TOX3: variants seen among roughly 807,000 people sequenced by gnomAD.
The protein encoded by TOX3 is CAG trinucleotide repeat-containing gene F9 protein.
TOX3 carries 22 observed loss-of-function variants against 64.3 expected under a neutral mutation model. The observed-to-expected ratio is 0.34, with a 90% CI of 0.24 to 0.49. The LOEUF is 0.49. Among genes scored for constraint, TOX3 ranks in the 20% least tolerant of loss-of-function variants. TOX3 has a pLI of 0.99. For synonymous variants in TOX3, 291 were observed against 273.6 expected, an observed-to-expected ratio of 1.06 and a Z score of -0.63; for missense variants, 661 against 714.4, an observed-to-expected ratio of 0.93 and a Z score of 0.85.
chr16:52,492,140 T>A (rs3095595), intron 1 of TOX3, among the ~76,000 whole-genome samples: 150,976 of 150,976 alleles, frequency 1, 75,488 homozygotes, highest in Non-Finnish European at 1. Flanking sequence ...TCTAACATCA[T>A]AATTACTTTG....
At chr16:52,455,675 A>G (rs1960493684) in intron 3 of TOX3, among the ~76,000 whole-genome samples, 1 of 152,152 alleles carries the variant, frequency 6.6e-6, no homozygotes, top group Admixed American at 6.5e-5. Flanking sequence ...AAAAGATAGT[A>G]TTTGAGCTGA....
chr16:52,519,903 G>A lies in TOX3; in HGVS notation c.87+26734C>T, dbSNP rs1962559467. On this transcript the variant is annotated intron_variant, in intron 1 of 6. Transcript: ENST00000219746. ...CTTGAGCCTGGGAGGTCAAGGCTGCGGTGAGCACAGTGAGCACTGGTCACA... is the reference window on the plus strand; with the variant it reads ...CTTGAGCCTGGGAGGTCAAGGCTGCAGTGAGCACAGTGAGCACTGGTCACA... 2.6e-5 allele frequency among the ~76,000 whole-genome samples: 4 copies of A among 151,770 alleles called. No homozygotes were observed. In the South Asian group the frequency reaches 8.4e-4, roughly 32 times the overall value.
In TOX3 at chr16:52,546,913, C is replaced by T. The variant is rs934268334; in HGVS notation, c.-190G>A. ...CGGCCGCCGCACACAAAGGCGCGGCCACGCGAGCCGCGGGAGAGCGGGAGG... is the reference window on the plus strand; with the variant it reads ...CGGCCGCCGCACACAAAGGCGCGGCTACGCGAGCCGCGGGAGAGCGGGAGG... On this transcript the variant is annotated 5_prime_UTR_variant, in exon 1 of 7. Transcript: ENST00000219746. The T allele has an allele frequency of 1.7e-5, 18 of 1,087,542 alleles. No individual in the cohort carries two copies. The highest frequency in any genetic ancestry group is 1.8e-5 in the Non-Finnish European group (16 of 896,608). The allele number at this position is 1,087,542 out of a possible 1,614,324, so 67.4% of individuals were successfully genotyped here. A position where few individuals can be genotyped will look rare whatever the true frequency, so the allele number is the denominator to read the frequency against.
intron 1 of TOX3, among the ~76,000 whole-genome samples, chr16:52,534,580 T>C (rs889013337): frequency 2.0e-5 from 3 of 151,840 alleles, no homozygotes; most frequent in African/African-American, 7.3e-5. Flanking sequence ...GAGGCTGCAG[T>C]GGCTATGATC....
At chr16:52,509,506 T>G (rs948935872) in intron 1 of TOX3, among the ~76,000 whole-genome samples, 5 of 152,224 alleles carry the variant, frequency 3.3e-5, no homozygotes, top group African/African-American at 1.2e-4. Flanking sequence ...TAAATGAAAT[T>G]TTAACATTCA....
At chr16:52,471,166 A>G (rs1961035924) in intron 1 of TOX3, among the ~76,000 whole-genome samples, 2 of 152,184 alleles carry the variant, frequency 1.3e-5, no homozygotes, top group African/African-American at 4.8e-5. Context: ...TAAAAGAACT[A>G]TTCTTTATTT....
chr16:52,479,580 CAA>C (rs1961311821), intron 1 of TOX3, among the ~76,000 whole-genome samples: 1 of 152,190 alleles, frequency 6.6e-6, no homozygotes, highest in South Asian at 2.1e-4. Context: ...CAGCAACTTA[CAA>C]AAGAGATGTG....
At chr16:52,529,109 A>G (rs1962790183) in intron 1 of TOX3, among the ~76,000 whole-genome samples, 1 of 152,216 alleles carries the variant, frequency 6.6e-6, no homozygotes. Context: ...CAGGAGGTCA[A>G]CTTTCAGGAA....
intron 1 of TOX3, among the ~76,000 whole-genome samples, chr16:52,532,639 T>C (rs1596865203): frequency 6.6e-6 from 1 of 152,160 alleles, no homozygotes; most frequent in East Asian, 1.9e-4. Context: ...TTAGAGGCGG[T>C]TTATCACTCG....
intron 1 of TOX3, among the ~76,000 whole-genome samples, chr16:52,504,482 A>G (rs565810612): frequency 2.6e-5 from 4 of 151,814 alleles, no homozygotes; most frequent in Non-Finnish European, 5.9e-5. Flanking sequence ...AAAAAAAAAA[A>G]AAGAAGTTCA....
chr16:52,519,894 C>T (rs1962559241), intron 1 of TOX3, among the ~76,000 whole-genome samples: 1 of 151,042 alleles, frequency 6.6e-6, no homozygotes, highest in South Asian at 2.1e-4. Flanking sequence ...CCTGGGAGGT[C>T]AAGGCTGCGG....
At chr16:52,522,991 C>T (rs1962643784) in intron 1 of TOX3, among the ~76,000 whole-genome samples, 1 of 152,094 alleles carries the variant, frequency 6.6e-6, no homozygotes, top group Non-Finnish European at 1.5e-5. Context: ...TCTCTGCCTT[C>T]GCCAGGTTAT....
chr16:52,513,789 G>GTGAT (rs887084781), intron 1 of TOX3, among the ~76,000 whole-genome samples: 1 of 152,174 alleles, frequency 6.6e-6, no homozygotes, highest in African/African-American at 2.4e-5. Context: ...AAAATACCTA[G>GTGAT]TGATTGTGAA....
At chr16:52,544,383 C>T (rs964677254) in intron 1 of TOX3, among the ~76,000 whole-genome samples, 2 of 152,088 alleles carry the variant, frequency 1.3e-5, no homozygotes, top group South Asian at 4.2e-4. Flanking sequence ...TTTTCACTTC[C>T]GAAAATAAAA....
intron 3 of TOX3, among the ~76,000 whole-genome samples, chr16:52,454,443 C>A (rs1960454085): frequency 6.6e-6 from 1 of 152,156 alleles, no homozygotes; most frequent in Admixed American, 6.5e-5. Flanking sequence ...ATTGATGCAT[C>A]AAAATGTGCC....
rs1253147640 is a variant in TOX3 at position 52,439,316 on chromosome 16, A to G, written c.1640T>C (p.Ile547Thr). Residue 547 changes from isoleucine to threonine, a missense_variant, in exon 7 of 7, where the codon ATC (isoleucine) becomes ACC (threonine). This residue lies in a region of TOX3 where 299 missense variants were observed against 292.1 expected (regional missense o/e 1.02). Transcript: ENST00000219746. ...ASQITSPIPA[I>T]GSPQPASQQH... ...CTGAGAGGCTGGCTGGGGGCTCCCG[A>G]TGGCAGGGATGGGGGATGTTATCTG... 5 of 1,613,270 alleles carry G rather than the reference A, an allele frequency of 3.1e-6. No individual in the cohort carries two copies. The South Asian group carries it at 3.3e-5, about 11-fold the overall frequency.
chr16:52,467,735 T>A (rs1567321255), intron 2 of TOX3, among the ~76,000 whole-genome samples: 1 of 152,204 alleles, frequency 6.6e-6, no homozygotes, highest in Non-Finnish European at 1.5e-5. Context: ...GAGGTTTTTC[T>A]GGAGGGCAGG....
At chr16:52,446,362 G>C (rs1215945390) in intron 4 of TOX3, 141 bp from the exon 5 acceptor site, 11 of 833,300 alleles carry the variant, frequency 1.3e-5, no homozygotes, top group Non-Finnish European at 2.0e-5. Context: ...CGGGGGAGGG[G>C]TAAACTTGCT....
chr16:52,522,964 A>G (rs1280645979), intron 1 of TOX3, among the ~76,000 whole-genome samples: 1 of 152,228 alleles, frequency 6.6e-6, no homozygotes, highest in African/African-American at 2.4e-5. Context: ...TGAAGCAACG[A>G]ACAAAAGAGA....
Sources: allele counts gnomAD v4.1 joint callset (sites outside exome capture counted in the v4.1 genomes callset), GRCh38; gene constraint gnomAD v4.1.1; regional missense constraint gnomAD v4.1.1; transcripts MANE v1.5; gene names NCBI Gene and HGNC (gene_info 2026-07-23, HGNC 2026-07-21).